The following STAMBP variants were observed in gnomAD, a reference collection of about 807,000 sequenced individuals.
STAMBP encodes STAM binding protein, also known as STAM-binding protein.
STAMBP carries 31 observed loss-of-function variants against 50.7 expected under a neutral mutation model. The ratio of observed to expected loss-of-function variants is 0.61; its 90% confidence interval spans 0.46 to 0.83. The LOEUF is 0.83. Ranked by LOEUF, STAMBP falls within the 40% of genes least tolerant of loss-of-function variation. The pLI is 0.00. For missense variants in STAMBP, 472 were observed against 518.9 expected (o/e 0.91, Z 0.88); for synonymous variants, 211 against 192.4 (o/e 1.10, Z -0.80).
chr2:73,867,787 A>G (rs960353902), downstream of STAMBP, among the ~76,000 whole-genome samples: 1 of 152,190 alleles, frequency 6.6e-6, no homozygotes, highest in Non-Finnish European at 1.5e-5. Context: ...TAGAAAAAGA[A>G]TAATAAAATA....
At chr2:73,838,280 A>C (rs1052303477) in intron 2 of STAMBP, among the ~76,000 whole-genome samples, 7 of 152,196 alleles carry the variant, frequency 4.6e-5, no homozygotes, top group African/African-American at 1.7e-4. Context: ...ACAACACATA[A>C]ATGAATGGAT....
intron 4 of STAMBP, among the ~76,000 whole-genome samples, chr2:73,845,673 C>T (rs1675969942): frequency 6.6e-6 from 1 of 150,916 alleles, no homozygotes; most frequent in South Asian, 2.1e-4. Flanking sequence ...ACTCTGTCGC[C>T]TAGGCTGGAG....
chr2:73,841,327 T>TGTTA (rs1317166055), intron 2 of STAMBP, among the ~76,000 whole-genome samples: 1 of 152,204 alleles, frequency 6.6e-6, no homozygotes, highest in African/African-American at 2.4e-5. Flanking sequence ...ATGATGCTGG[T>TGTTA]GTTAGCATCT....
At chr2:73,870,648 G>A (rs1679165143), downstream of STAMBP, among the ~76,000 whole-genome samples, 1 of 152,152 alleles carries the variant, frequency 6.6e-6, no homozygotes, top group Non-Finnish European at 1.5e-5. Flanking sequence ...CTAGACTAAA[G>A]GAAGTAACAC....
Position 73,866,555 on chromosome 2 carries a change from T to A in STAMBP, c.*4296T>A, listed in dbSNP as rs3813231. On this transcript the variant is annotated 3_prime_UTR_variant, in exon 10 of 10. Transcript: ENST00000394070. ...CCTTGGTGTTGAATAATGTGTTAGG[T>A]AGCCAGGTGGACCTGTGTCCTAGCC... The A allele has an allele frequency of 0.33, 50,212 of 152,122 alleles. 9,121 individuals are homozygous for A. Among genetic ancestry groups the A allele is most frequent in the African/African-American group, 0.46 (19,256 of 41,472 alleles). The allele number at this position is 152,122 out of a possible 1,614,324, so 9.4% of individuals were successfully genotyped here.
At chr2:73,836,273 C>G (rs1674702803) in intron 2 of STAMBP, among the ~76,000 whole-genome samples, 1 of 152,238 alleles carries the variant, frequency 6.6e-6, no homozygotes, top group Non-Finnish European at 1.5e-5. Flanking sequence ...GTCGTCGGAA[C>G]CTCCGAATGG....
rs1292603760 is a variant in STAMBP, at chr2:73,860,177, G to A, written c.1218+26G>A. 6 of 1,584,646 alleles carry A rather than the reference G, an allele frequency of 3.8e-6. No individual in the cohort carries two copies. The East Asian group carries it at 1.3e-4, about 36-fold the overall frequency. On this transcript the variant is annotated intron_variant, in intron 9 of 9. Coordinates refer to ENST00000394070, the MANE Select transcript of STAMBP (RefSeq NM_213622.4). ...GTACGTATCTATGTAAAAGAAAATG[G>A]GGCTATGCTTCAAGCAGGGAGGACA...
At chr2:73,830,364 T>C (rs1424596973) in intron 1 of STAMBP, among the ~76,000 whole-genome samples, 1 of 152,232 alleles carries the variant, frequency 6.6e-6, no homozygotes, top group Non-Finnish European at 1.5e-5. Flanking sequence ...TCAGTTACTC[T>C]CAGATTAAGT....
chr2:73,836,263 G>A (rs555310175), intron 2 of STAMBP, among the ~76,000 whole-genome samples: 11 of 152,330 alleles, frequency 7.2e-5, no homozygotes, highest in African/African-American at 2.4e-4. Context: ...GGGCTGGCCC[G>A]TCGTCGGAAC....
In STAMBP at chr2:73,849,504, A is replaced by C. The variant is rs1676541035; in HGVS notation, c.867+17A>C. ...GGAAAACTGGTAAAAAGAAAAAAAA[A>C]ACCAAACTCTTCTCTGAACCGAAAC... On this transcript the variant is annotated intron_variant, in intron 6 of 9. Coordinates refer to ENST00000394070, the MANE Select transcript of STAMBP (RefSeq NM_213622.4). 6.3e-7 allele frequency: 1 copy of C among 1,576,366 alleles called. No homozygotes were observed. Among genetic ancestry groups the C allele is most frequent in the African/African-American group, 1.4e-5 (1 of 72,354 alleles).
rs1268050222 is a variant in STAMBP at position 73,862,831 on chromosome 2, T to C, written c.*572T>C. 1 of 152,646 alleles carries C rather than the reference T, an allele frequency of 6.6e-6. No individual in the cohort carries two copies. Among genetic ancestry groups the C allele is most frequent in the Non-Finnish European group, 1.5e-5 (1 of 68,046 alleles). The allele number at this position is 152,646 out of a possible 1,614,324, so 9.5% of individuals were successfully genotyped here. ...ATGATTTTGTCAGGAATTATTGTTA[T>C]TTAATAAATATTTCAGGATATTTTT... On this transcript the variant is annotated 3_prime_UTR_variant, in exon 10 of 10. Coordinates refer to ENST00000394070, the MANE Select transcript of STAMBP (RefSeq NM_213622.4).
rs777337202 is a variant in STAMBP, at chr2:73,831,023, T to C, written c.167T>C (p.Ile56Thr). 6.2e-6 allele frequency: 10 copies of C among 1,614,226 alleles called. No individual in the cohort carries two copies. The highest frequency in any genetic ancestry group is 3.3e-5 in the Admixed American group (2 of 60,028). The part of the protein sequence containing the change: ...MASIYSEEGN[I>T]EHAFILYNKY... ...TCCATTTACTCTGAGGAAGGCAACA[T>C]TGAACATGCCTTCATCCTCTATAAC... The change falls in exon 2 of 10, where the codon ATT (isoleucine) becomes ACT (threonine). Residue 56 changes from isoleucine (I) to threonine (T), a missense_variant. By Grantham distance (89) the Ile-to-Thr change is moderately conservative (BLOSUM62 -1). Transcript: ENST00000394070.
chr2:73,845,096 ACT>A (rs1675893079), intron 3 of STAMBP, 69 bp from the exon 4 acceptor site: 48 of 1,591,256 alleles, frequency 3.0e-5, no homozygotes, highest in Non-Finnish European at 4.1e-5. Context: ...CACCAACTTG[ACT>A]TAAGTCTTCT....
rs1676630360 is a variant in STAMBP at position 73,850,186 on chromosome 2, G to T, written c.868-190G>T. On this transcript the variant is annotated intron_variant, in intron 6 of 9. Coordinates refer to ENST00000394070, the MANE Select transcript of STAMBP (RefSeq NM_213622.4). This position sits in a 1 kb window ranked among gnomAD's most constrained non-coding sequence, Gnocchi z 4.3. ...AGTTCTGGGGTTGGTCTCTGCATCTGTCGCTGTACAGAGTACCCCAGGCAA... is the reference window on the plus strand; with the variant it reads ...AGTTCTGGGGTTGGTCTCTGCATCTTTCGCTGTACAGAGTACCCCAGGCAA... 6.6e-6 allele frequency among the ~76,000 whole-genome samples: 1 copy of T among 152,216 alleles called. No homozygotes were observed. The highest frequency in any genetic ancestry group is 6.5e-5 in the Admixed American group (1 of 15,286).
intron 9 of STAMBP, chr2:73,860,529 C>T (rs1480968851): frequency 1.0e-6 from 1 of 990,336 alleles, no homozygotes. Context: ...ATGTCTCTTT[C>T]TAAGCCTGTA....
chr2:73,866,820 G>A lies in STAMBP; in HGVS notation c.*4561G>A, dbSNP rs1379643808. 2 of 152,278 alleles carry A rather than the reference G, an allele frequency of 1.3e-5. No homozygotes were observed. The highest frequency in any genetic ancestry group is 2.9e-5 in the Non-Finnish European group (2 of 68,088). 9.4% of individuals were successfully genotyped at this position (152,278 alleles called of 1,614,324 possible). On this transcript the variant is annotated 3_prime_UTR_variant, in exon 10 of 10. Transcript: ENST00000394070. ...CCAGTATCTTGTCACAGAAATCAAG[G>A]AAGGCAACAGTTTAAAGGAGGGGAG...
At chr2:73,855,087 C>T (rs920306848) in intron 7 of STAMBP, among the ~76,000 whole-genome samples, 2 of 152,182 alleles carry the variant, frequency 1.3e-5, no homozygotes, top group Admixed American at 6.5e-5. Flanking sequence ...CCTTCTTAAC[C>T]TTGTCAACTA....
At position 73,834,219 on chromosome 2, in the gene STAMBP, AAAAAAAAAAAAAAAAAAATATATATAT is replaced by A. The variant is rs1266525215; in HGVS notation, c.203+3162_203+3188del. On this transcript the variant is annotated intron_variant, in intron 2 of 9. Coordinates refer to ENST00000394070, the MANE Select transcript of STAMBP (RefSeq NM_213622.4). ...AGCAAGATCATGTCTTAAAAAAAAA[AAAAAAAAAAAAAAAAAAATATATATAT>A]ATATATATATATATATATATATATA... 5.9e-4 allele frequency among the ~76,000 whole-genome samples: 11 copies of A among 18,786 alleles called. 1 individual carries two copies. The highest frequency in any genetic ancestry group is 8.5e-4 in the Non-Finnish European group (9 of 10,584). The allele number at this position is 18,786 out of a possible 152,430, so 12.3% of individuals were successfully genotyped here.
chr2:73,848,194 G>A (rs1020287459), intron 5 of STAMBP, among the ~76,000 whole-genome samples: 1 of 151,814 alleles, frequency 6.6e-6, no homozygotes, highest in Non-Finnish European at 1.5e-5. Context: ...AAATATAGCT[G>A]TGAGAGACAC....
Sources: allele counts gnomAD v4.1 joint callset (sites outside exome capture counted in the v4.1 genomes callset), GRCh38; gene constraint gnomAD v4.1.1; non-coding constraint Gnocchi (gnomAD v3.1); transcripts MANE v1.5; gene names NCBI Gene and HGNC (gene_info 2026-07-23, HGNC 2026-07-21).